Variants in ROBO1 observed in about 807,000 individuals in gnomAD.
The protein encoded by ROBO1 is roundabout homolog 1.
A neutral mutation model predicts 195.9 loss-of-function variants in ROBO1; 149 were observed. The ratio of observed to expected loss-of-function variants is 0.76; its 90% CI spans 0.67 to 0.87. The LOEUF (loss-of-function observed/expected upper bound fraction) is 0.87. Among genes scored for constraint, ROBO1 ranks in the 40% least tolerant of loss-of-function variants. The pLI is 0.00. For synonymous variants in ROBO1, 816 were observed against 733.2 expected, an observed-to-expected ratio of 1.11 and a Z score of -1.82; for missense variants, 1,933 against 2,068.3, an observed-to-expected ratio of 0.93 and a Z score of 1.27.
chr3:79,337,800 T>C (rs1362127695), intron 2 of ROBO1, among the ~76,000 whole-genome samples: 2 of 152,210 alleles, frequency 1.3e-5, no homozygotes, highest in African/African-American at 2.4e-5. Context: ...CAGAAATCAT[T>C]ATACAAAATA....
At chr3:79,733,042 C>T (rs1217739583) in intron 1 of ROBO1, among the ~76,000 whole-genome samples, 1 of 152,166 alleles carries the variant, frequency 6.6e-6, no homozygotes, top group Non-Finnish European at 1.5e-5. Context: ...CAAAGATTTC[C>T]TATTCTATGA....
intron 2 of ROBO1, among the ~76,000 whole-genome samples, chr3:79,374,200 A>C (rs2036302336): frequency 6.6e-6 from 1 of 152,188 alleles, no homozygotes; most frequent in South Asian, 2.1e-4. Flanking sequence ...TTTCAGCTGA[A>C]TTTATCACCC....
chr3:79,300,961 A>T (rs948065420), intron 2 of ROBO1, among the ~76,000 whole-genome samples: 1 of 152,098 alleles, frequency 6.6e-6, no homozygotes, highest in African/African-American at 2.4e-5. Flanking sequence ...CCCTGTCAAA[A>T]CACACCACTG....
At chr3:78,867,130 G>C (rs919615630) in intron 4 of ROBO1, among the ~76,000 whole-genome samples, 12 of 152,116 alleles carry the variant, frequency 7.9e-5, no homozygotes, top group African/African-American at 2.9e-4. Context: ...AAGGAAATTC[G>C]TTGCCCTTAA....
intron 1 of ROBO1, among the ~76,000 whole-genome samples, chr3:79,658,581 T>C (rs1195983147): frequency 6.6e-6 from 1 of 152,074 alleles, no homozygotes; most frequent in Non-Finnish European, 1.5e-5. Flanking sequence ...GTATTTATTT[T>C]ACTTTTTTAT....
chr3:79,319,020 A>G (rs553584541), intron 2 of ROBO1, among the ~76,000 whole-genome samples: 7 of 152,346 alleles, frequency 4.6e-5, no homozygotes, highest in African/African-American at 7.2e-5. Context: ...GTTTTGTTAC[A>G]TAGCTAAATT....
chr3:79,108,379 C>A (rs1246341668), intron 3 of ROBO1, among the ~76,000 whole-genome samples: 5 of 151,676 alleles, frequency 3.3e-5, no homozygotes. Flanking sequence ...TAAAAAAAAA[C>A]TAATGTCCAT....
chr3:78,635,426 G>T (rs1319381979), intron 23 of ROBO1, among the ~76,000 whole-genome samples: 1 of 152,110 alleles, frequency 6.6e-6, no homozygotes, highest in African/African-American at 2.4e-5. Flanking sequence ...TCCTCTAGTG[G>T]AAAGAATGGG....
intron 2 of ROBO1, among the ~76,000 whole-genome samples, chr3:79,138,402 T>C (rs532117466): frequency 1.3e-5 from 2 of 152,190 alleles, no homozygotes; most frequent in South Asian, 4.1e-4. Flanking sequence ...TATTTCCTTA[T>C]TTGGACATGA....
In ROBO1 at chr3:79,735,870, C is replaced by CA. The variant is rs1220855864; in HGVS notation, c.-51+31881dup. ...TGGGCGACAGAGAGAGACTCCGTCT[C>CA]AAAAAAAAAAAAAAAACAAAAAAAA... is the stretch of plus-strand genomic sequence containing the variant. On this transcript the variant is annotated intron_variant, in intron 1 of 30. Transcript: ENST00000464233. Among the ~76,000 whole-genome samples, 583 of 70,566 alleles carry CA rather than the reference C, an allele frequency of 8.3e-3. 10 individuals are homozygous for CA. The highest frequency in any genetic ancestry group is 0.026 in the African/African-American group (445 of 17,320). 46.3% of individuals were successfully genotyped at this position (70,566 alleles called of 152,430 possible). A position where few individuals can be genotyped will look rare whatever the true frequency, so the allele number is the denominator to read the frequency against.
intron 2 of ROBO1, among the ~76,000 whole-genome samples, chr3:79,469,441 T>C (rs1156838564): frequency 3.3e-5 from 5 of 152,108 alleles, no homozygotes; most frequent in Admixed American, 2.0e-4. Flanking sequence ...AAAGGAGGGA[T>C]TGCTATGGGT....
chr3:79,578,999 T>A (rs1293549511), intron 2 of ROBO1, among the ~76,000 whole-genome samples: 1 of 152,170 alleles, frequency 6.6e-6, no homozygotes, highest in Non-Finnish European at 1.5e-5. Context: ...CAGCTCAATT[T>A]CCCTCTATAT....
At chr3:79,605,700 T>C (rs1330613404) in intron 1 of ROBO1, among the ~76,000 whole-genome samples, 1 of 151,930 alleles carries the variant, frequency 6.6e-6, no homozygotes, top group Non-Finnish European at 1.5e-5. Context: ...CTACCTTTCA[T>C]ATCCAAACTG....
intron 3 of ROBO1, among the ~76,000 whole-genome samples, chr3:78,991,277 G>C (rs1332967941): frequency 1.3e-5 from 2 of 152,120 alleles, no homozygotes; most frequent in Non-Finnish European, 2.9e-5. Context: ...ATTTGAACAT[G>C]TTCAGGAATT....
chr3:79,651,401 A>T lies in ROBO1; in HGVS notation c.-50-61440T>A, dbSNP rs72893907. ...GGCTTATGGTACTTCCAAATATTAA[A>T]AGAAAGGAATACTGCTTTTTTTAAA... On this transcript the variant is annotated intron_variant, in intron 1 of 30. Transcript: ENST00000464233. Among the ~76,000 whole-genome samples the T allele has an allele frequency of 6.6e-3, 1,001 of 152,270 alleles. 10 individuals are homozygous for T. The highest frequency in any genetic ancestry group is 0.023 in the African/African-American group (942 of 41,568).
At chr3:79,750,795 T>C (rs1424804464) in intron 1 of ROBO1, among the ~76,000 whole-genome samples, 1 of 152,228 alleles carries the variant, frequency 6.6e-6, no homozygotes, top group Admixed American at 6.5e-5. Context: ...GTCTAGGGTA[T>C]GTCTTTATTA....
chr3:78,616,437 CAAT>C (rs1351533449), intron 27 of ROBO1, among the ~76,000 whole-genome samples: 2 of 152,020 alleles, frequency 1.3e-5, no homozygotes, highest in African/African-American at 4.8e-5. Flanking sequence ...ATATATTCTA[CAAT>C]AATAAGTTGA....
intron 3 of ROBO1, among the ~76,000 whole-genome samples, chr3:79,059,872 T>C (rs1385074332): frequency 6.6e-6 from 1 of 152,022 alleles, no homozygotes; most frequent in Non-Finnish European, 1.5e-5. Flanking sequence ...CTGGGCATCC[T>C]AAAAGAACAG....
intron 8 of ROBO1, among the ~76,000 whole-genome samples, chr3:78,712,507 T>C (rs991704114): frequency 6.6e-6 from 1 of 152,170 alleles, no homozygotes; most frequent in Non-Finnish European, 1.5e-5. Context: ...TTGGGAATCA[T>C]GTTACTTTCT....
Sources: gnomAD v4.1 joint callset for allele counts (sites outside exome capture counted in the v4.1 genomes callset) on GRCh38, gnomAD v4.1.1 for gene constraint, MANE v1.5 for transcripts, NCBI Gene and HGNC (gene_info 2026-07-23, HGNC 2026-07-21) for gene names.